Variants in GABRG3 observed in about 807,000 individuals in gnomAD.
The protein encoded by GABRG3 is gamma-aminobutyric acid type A receptor subunit gamma3.
GABRG3 carries 25 observed loss-of-function variants against 48.8 expected under a neutral mutation model. That is an observed-to-expected ratio of 0.51 (90% confidence interval 0.37 to 0.72). The LOEUF is 0.72. Among genes scored for constraint, GABRG3 ranks in the 30% least tolerant of loss-of-function variants. The pLI, the probability that GABRG3 is intolerant of heterozygous loss-of-function variation, is 0.00. For missense variants in GABRG3, 394 were observed against 577.9 expected, an observed-to-expected ratio of 0.68 and a Z score of 3.26; for synonymous variants, 227 against 217.6, an observed-to-expected ratio of 1.04 and a Z score of -0.38.
chr15:27,128,849 A>G (rs895315654), intron 3 of GABRG3, among the ~76,000 whole-genome samples: 7 of 152,186 alleles, frequency 4.6e-5, no homozygotes, highest in South Asian at 2.1e-4. Flanking sequence ...CATTATTTCA[A>G]TGAGGTCAAT....
chr15:27,010,971 G>C (rs199589158), intron 2 of GABRG3, among the ~76,000 whole-genome samples: 2 of 152,172 alleles, frequency 1.3e-5, no homozygotes, highest in East Asian at 3.9e-4. Flanking sequence ...TCAGCCTCCA[G>C]AGTAGCTGGG....
intron 5 of GABRG3, among the ~76,000 whole-genome samples, chr15:27,379,987 C>CT (rs138324164): frequency 0.016 from 2,368 of 147,468 alleles, 29 homozygotes; most frequent in Non-Finnish European, 0.025. Context: ...GTTTTCCTAT[C>CT]TTTTTTTTTT....
At chr15:27,295,973 TG>T (rs1891969935) in intron 3 of GABRG3, among the ~76,000 whole-genome samples, 1 of 152,172 alleles carries the variant, frequency 6.6e-6, no homozygotes, top group Non-Finnish European at 1.5e-5. Context: ...TTGCCTTTCC[TG>T]GTGTGGAACC....
chr15:27,392,362 T>G (rs1292148223), intron 5 of GABRG3, among the ~76,000 whole-genome samples: 1 of 152,202 alleles, frequency 6.6e-6, no homozygotes, highest in South Asian at 2.1e-4. Flanking sequence ...GACCCTGACA[T>G]TTTTGGGGAT....
intron 2 of GABRG3, among the ~76,000 whole-genome samples, chr15:27,013,296 T>C (rs954041036): frequency 1.3e-5 from 2 of 152,128 alleles, no homozygotes; most frequent in Non-Finnish European, 2.9e-5. Context: ...CCACATATTC[T>C]TTTTTCATTC....
chr15:27,043,704 G>C (rs892775939), intron 3 of GABRG3, among the ~76,000 whole-genome samples: 3 of 152,190 alleles, frequency 2.0e-5, no homozygotes, highest in Admixed American at 2.0e-4. Context: ...TTAACAGTGT[G>C]AGTTAGTTAC....
At chr15:27,003,002 A>T (rs1025420908) in intron 2 of GABRG3, among the ~76,000 whole-genome samples, 2 of 151,510 alleles carry the variant, frequency 1.3e-5, no homozygotes, top group South Asian at 4.2e-4. Flanking sequence ...AATAAACAAA[A>T]CAAAACAAAA....
rs112095965 is a variant in GABRG3 at position 27,458,030 on chromosome 15, C to A, written c.575-22620C>A. Among the ~76,000 whole-genome samples the A allele has an allele frequency of 2.0e-5, 3 of 152,122 alleles. No homozygotes were observed. The East Asian group carries it at 5.8e-4, about 29-fold the overall frequency. On this transcript the variant is annotated intron_variant, in intron 5 of 9. Coordinates refer to ENST00000615808, the MANE Select transcript of GABRG3 (RefSeq NM_033223.5). ...GGACGGTGCAGGAACTATGCTCAGG[C>A]CCCCCGACTCTGGGTTCTCTCTTCT... is the stretch of plus-strand genomic sequence containing the variant.
intron 3 of GABRG3, among the ~76,000 whole-genome samples, chr15:27,116,917 T>C (rs1897650975): frequency 6.6e-6 from 1 of 152,222 alleles, no homozygotes; most frequent in Non-Finnish European, 1.5e-5. Flanking sequence ...CACCTTGATC[T>C]TGGACTTCCC....
At chr15:27,061,410 A>G (rs372299815) in intron 3 of GABRG3, among the ~76,000 whole-genome samples, 8 of 150,040 alleles carry the variant, frequency 5.3e-5, no homozygotes, top group South Asian at 2.1e-4. Flanking sequence ...TAATAAGTCT[A>G]TCGTAACAAA....
chr15:27,246,859 A>G (rs1324698723), intron 3 of GABRG3, among the ~76,000 whole-genome samples: 3 of 152,242 alleles, frequency 2.0e-5, no homozygotes, highest in Non-Finnish European at 4.4e-5. Context: ...CCTGAATGGA[A>G]GAACACGTTA....
At chr15:27,455,790 A>G (rs1210795663) in intron 5 of GABRG3, among the ~76,000 whole-genome samples, 2 of 150,156 alleles carry the variant, frequency 1.3e-5, no homozygotes, top group Admixed American at 1.3e-4. Flanking sequence ...GCATTTGTAT[A>G]TATGTGCATG....
At chr15:27,086,214 A>G (rs921790541) in intron 3 of GABRG3, among the ~76,000 whole-genome samples, 1 of 151,990 alleles carries the variant, frequency 6.6e-6, no homozygotes, top group African/African-American at 2.4e-5. Context: ...GCAACAATTC[A>G]TAAAATATTC....
At position 27,430,684 on chromosome 15, in the gene GABRG3, C is replaced by A. The variant is rs147955135; in HGVS notation, c.575-49966C>A. 2.8e-3 allele frequency among the ~76,000 whole-genome samples: 431 copies of A among 152,170 alleles called. 1 individual carries two copies. The highest frequency in any genetic ancestry group is 9.7e-3 in the African/African-American group (403 of 41,526). On this transcript the variant is annotated intron_variant, in intron 5 of 9. Coordinates refer to ENST00000615808, the MANE Select transcript of GABRG3 (RefSeq NM_033223.5). ...TTTTGCCCAATTAGTTGTCTTGGCA[C>A]CCTTGTCAAAAATGAATTGACTAGG...
At chr15:27,061,444 CTCTT>C (rs999321051) in intron 3 of GABRG3, among the ~76,000 whole-genome samples, 3 of 118,070 alleles carry the variant, frequency 2.5e-5, no homozygotes, top group African/African-American at 7.8e-5. Flanking sequence ...GAGGTAACTG[CTCTT>C]TTTTTTTTTT....
At chr15:27,256,761 T>C (rs1009907736) in intron 3 of GABRG3, among the ~76,000 whole-genome samples, 12 of 152,212 alleles carry the variant, frequency 7.9e-5, no homozygotes, top group African/African-American at 2.9e-4. Context: ...TGCACAGGAA[T>C]GGGTAAAGAC....
intron 3 of GABRG3, among the ~76,000 whole-genome samples, chr15:27,128,083 C>A (rs949489296): frequency 6.6e-6 from 1 of 152,160 alleles, no homozygotes; most frequent in African/African-American, 2.4e-5. Flanking sequence ...GGTTTGAGGC[C>A]AGGGATGGTG....
chr15:27,006,964 G>A (rs546376943), intron 2 of GABRG3, among the ~76,000 whole-genome samples: 2 of 152,022 alleles, frequency 1.3e-5, no homozygotes, highest in South Asian at 4.2e-4. Context: ...TCAGCCTCCT[G>A]AGTTGCTGGG....
intron 2 of GABRG3, among the ~76,000 whole-genome samples, chr15:27,020,428 T>C (rs1895866994): frequency 6.6e-6 from 1 of 152,234 alleles, no homozygotes; most frequent in Admixed American, 6.5e-5. Context: ...CTCTTTGTTT[T>C]TGAGACGGAG....
Sources: gnomAD v4.1 joint callset for allele counts (sites outside exome capture counted in the v4.1 genomes callset) on GRCh38, gnomAD v4.1.1 for gene constraint, MANE v1.5 for transcripts, NCBI Gene and HGNC (gene_info 2026-07-23, HGNC 2026-07-21) for gene names.